PLCH1: variants seen among roughly 807,000 people sequenced by gnomAD.
PLCH1 encodes the protein phospholipase C eta 1, also known as 1-phosphatidylinositol 4,5-bisphosphate phosphodiesterase eta-1.
A neutral mutation model predicts 126.7 loss-of-function variants in PLCH1; 60 were observed. That is an observed-to-expected ratio of 0.47 (90% CI 0.38 to 0.59). PLCH1 has a LOEUF of 0.59. Ranked by LOEUF, PLCH1 falls within the 20% of genes least tolerant of loss-of-function variation. PLCH1 has a pLI of 0.00. For synonymous variants in PLCH1, 719 were observed against 734.9 expected (o/e 0.98, Z 0.35); for missense variants, 1,723 against 2,040.0 (o/e 0.84, Z 2.99).
At chr3:155,617,165 G>A (rs77096388) in intron 2 of PLCH1, among the ~76,000 whole-genome samples, 55 of 152,084 alleles carry the variant, frequency 3.6e-4, no homozygotes, top group African/African-American at 1.3e-3. Context: ...CTTGTCAATT[G>A]TGTCTTTAAC....
At chr3:155,467,035 C>T (rs1337039670) in intron 21 of PLCH1, among the ~76,000 whole-genome samples, 4 of 151,866 alleles carry the variant, frequency 2.6e-5, no homozygotes, top group African/African-American at 9.7e-5. Context: ...CAGTTATTGG[C>T]CTTAAAGAAG....
At chr3:155,626,073 G>A (rs1737205310) in intron 2 of PLCH1, among the ~76,000 whole-genome samples, 1 of 152,188 alleles carries the variant, frequency 6.6e-6, no homozygotes, top group African/African-American at 2.4e-5. Context: ...CATGTTGTTT[G>A]CAGGGACATG....
At chr3:155,702,969 T>C (rs758251595) in intron 2 of PLCH1, among the ~76,000 whole-genome samples, 6 of 152,186 alleles carry the variant, frequency 3.9e-5, no homozygotes, top group African/African-American at 4.8e-5. Flanking sequence ...ACCACTGGAA[T>C]GTCAAGAGAA....
chr3:155,593,060 A>G (rs1443315800), intron 4 of PLCH1, among the ~76,000 whole-genome samples: 1 of 152,132 alleles, frequency 6.6e-6, no homozygotes, highest in African/African-American at 2.4e-5. Context: ...GCACAAATAT[A>G]TCACCAACCC....
At chr3:155,470,013 G>C (rs1437261069) in intron 21 of PLCH1, among the ~76,000 whole-genome samples, 1 of 152,152 alleles carries the variant, frequency 6.6e-6, no homozygotes, top group African/African-American at 2.4e-5. Context: ...CTAAAACGCA[G>C]AACGCCTCTC....
At chr3:155,635,448 C>T (rs78395319) in intron 2 of PLCH1, among the ~76,000 whole-genome samples, 2,168 of 152,326 alleles carry the variant, frequency 0.014, 57 homozygotes, top group African/African-American at 0.049. Context: ...ACAGCCTGCT[C>T]TGAGAGGACT....
chr3:155,472,254 C>A (rs372641069), intron 21 of PLCH1, among the ~76,000 whole-genome samples: 2 of 151,838 alleles, frequency 1.3e-5, no homozygotes, highest in African/African-American at 4.8e-5. Flanking sequence ...ATATCACCAC[C>A]GATCCCACAG....
chr3:155,699,049 A>T (rs1314092870), intron 2 of PLCH1, among the ~76,000 whole-genome samples: 1 of 149,362 alleles, frequency 6.7e-6, no homozygotes, highest in East Asian at 1.9e-4. Flanking sequence ...GGTCCTCTCT[A>T]ATAATTTAAT....
At chr3:155,575,778 C>T (rs1327978029) in intron 6 of PLCH1, among the ~76,000 whole-genome samples, 1 of 152,076 alleles carries the variant, frequency 6.6e-6, no homozygotes, top group African/African-American at 2.4e-5. Flanking sequence ...CACCTCCACC[C>T]CGCAAGTAGC....
At chr3:155,567,174 G>A (rs981930076) in intron 7 of PLCH1, among the ~76,000 whole-genome samples, 1 of 152,110 alleles carries the variant, frequency 6.6e-6, no homozygotes, top group African/African-American at 2.4e-5. Flanking sequence ...CCAGGCTCAA[G>A]GGACTCTCGT....
chr3:155,549,689 T>C (rs1342165370), intron 10 of PLCH1, 98 bp downstream of exon 10: 3 of 815,706 alleles, frequency 3.7e-6, no homozygotes, highest in Non-Finnish European at 5.8e-6. Flanking sequence ...ATATTGATTC[T>C]AATTATTATT....
intron 19 of PLCH1, among the ~76,000 whole-genome samples, chr3:155,490,342 A>T (rs1238777977): frequency 6.6e-6 from 1 of 152,190 alleles, no homozygotes; most frequent in Non-Finnish European, 1.5e-5. Flanking sequence ...TCAAGAAGTA[A>T]ACTCGCCAGA....
chr3:155,639,181 CA>C (rs755596941), intron 2 of PLCH1, among the ~76,000 whole-genome samples: 28 of 152,216 alleles, frequency 1.8e-4, no homozygotes, highest in Non-Finnish European at 3.5e-4. Context: ...AACCAGGGGC[CA>C]GGGGTGGTGC....
At position 155,693,369 on chromosome 3, in the gene PLCH1, G is replaced by A. The variant is rs1249900766; in HGVS notation, c.79+10777C>T. Reference sequence around the variant, plus strand: ...AGTCCCAGCTACTCGGGAGGCTGAGGCAGGAGAATGGCGTGAACCCGGGAA... The same window carrying A: ...AGTCCCAGCTACTCGGGAGGCTGAGACAGGAGAATGGCGTGAACCCGGGAA... On this transcript the variant is annotated intron_variant, in intron 2 of 22. Coordinates refer to ENST00000460012, the MANE Select transcript of PLCH1 (RefSeq NM_014996.4). 2.6e-5 allele frequency among the ~76,000 whole-genome samples: 2 copies of A among 75,710 alleles called. 1 individual carries two copies. The highest frequency in any genetic ancestry group is 4.3e-5 in the Non-Finnish European group (2 of 46,902). The allele number at this position is 75,710 out of a possible 152,430, so 49.7% of individuals were successfully genotyped here.
intron 2 of PLCH1, among the ~76,000 whole-genome samples, chr3:155,623,992 A>T (rs1359591280): frequency 6.6e-6 from 1 of 152,216 alleles, no homozygotes; most frequent in Admixed American, 6.5e-5. Context: ...ATTGATGCGA[A>T]CACCTTCAAT....
Position 155,566,158 on chromosome 3 carries a change from CACAT to C in PLCH1, c.866-1044_866-1041del, listed in dbSNP as rs1321948625. ...ATATATATGTATATATACATATATA[CACAT>C]ACATATATACACATATATACACATA... On this transcript the variant is annotated intron_variant, in intron 7 of 22. Coordinates refer to ENST00000460012, the MANE Select transcript of PLCH1 (RefSeq NM_014996.4). 1.7e-4 allele frequency among the ~76,000 whole-genome samples: 5 copies of C among 29,154 alleles called. 1 individual carries two copies. The highest frequency in any genetic ancestry group is 1.5e-4 in the Non-Finnish European group (1 of 6,864). 19.1% of individuals were successfully genotyped at this position (29,154 alleles called of 152,430 possible). A position where few individuals can be genotyped will look rare whatever the true frequency, so the allele number is the denominator to read the frequency against.
At chr3:155,714,257 A>G (rs1442179231) in intron 1 of PLCH1, among the ~76,000 whole-genome samples, 2 of 152,184 alleles carry the variant, frequency 1.3e-5, no homozygotes, top group Non-Finnish European at 2.9e-5. Flanking sequence ...ATTTTAAGAC[A>G]AAGTAAGAGA....
intron 3 of PLCH1, among the ~76,000 whole-genome samples, chr3:155,595,365 A>T (rs888576162): frequency 2.0e-5 from 3 of 152,192 alleles, no homozygotes; most frequent in South Asian, 4.1e-4. Context: ...TTGATTATTT[A>T]TATACACCAT....
intron 6 of PLCH1, among the ~76,000 whole-genome samples, chr3:155,569,147 A>G (rs561320059): frequency 6.6e-6 from 1 of 152,288 alleles, no homozygotes; most frequent in Non-Finnish European, 1.5e-5. Context: ...TGGGAAAGGT[A>G]AACTCTTCAG....
Sources: gnomAD v4.1 joint callset for allele counts (sites outside exome capture counted in the v4.1 genomes callset) on GRCh38, gnomAD v4.1.1 for gene constraint, MANE v1.5 for transcripts, NCBI Gene and HGNC (gene_info 2026-07-23, HGNC 2026-07-21) for gene names.